Variants in HAPLN1 observed in about 807,000 individuals in gnomAD.
HAPLN1 encodes the protein hyaluronan and proteoglycan link protein 1, also known as Cartilage link protein.
Under a neutral mutation model 36.5 loss-of-function variants are expected in HAPLN1, and 13 were observed. The ratio of observed to expected loss-of-function variants is 0.36; its 90% CI spans 0.23 to 0.57. The LOEUF is 0.57. Ranked by LOEUF, HAPLN1 falls within the 20% of genes least tolerant of loss-of-function variation. The pLI is 0.83. For synonymous variants in HAPLN1, 202 were observed against 169.8 expected, an observed-to-expected ratio of 1.19 and a Z score of -1.48; for missense variants, 407 against 439.7, an observed-to-expected ratio of 0.93 and a Z score of 0.66.
Position 83,639,455 on chromosome 5 carries a change from G to A in HAPLN1, c.*2041C>T, listed in dbSNP as rs1349076938. On this transcript the variant is annotated 3_prime_UTR_variant, in exon 5 of 5. Coordinates refer to ENST00000274341, the MANE Select transcript of HAPLN1 (RefSeq NM_001884.4). ...GAGTTCTGGACATAACTGAAAATTA[G>A]ATGTTTGCTTCAATAGAAATTTGTT... 1 of 152,004 alleles carries A rather than the reference G, an allele frequency of 6.6e-6. No homozygotes were observed. The highest frequency in any genetic ancestry group is 1.5e-5 in the Non-Finnish European group (1 of 67,908). 9.4% of individuals were successfully genotyped at this position (152,004 alleles called of 1,614,324 possible). A position where few individuals can be genotyped will look rare whatever the true frequency, so the allele number is the denominator to read the frequency against.
At chr5:83,656,323 G>T (rs76419241) in intron 2 of HAPLN1, among the ~76,000 whole-genome samples, 26,981 of 92,374 alleles carry the variant, frequency 0.29, 3,095 homozygotes, top group Middle Eastern at 0.43. Context: ...GAAAGACTAC[G>T]TCTCAAAAAA....
chr5:83,646,580 C>A lies in HAPLN1; in HGVS notation c.473-1915G>T, dbSNP rs569014869. Among the ~76,000 whole-genome samples, 11 of 152,312 alleles carry A rather than the reference C, an allele frequency of 7.2e-5. No individual in the cohort carries two copies. The East Asian group carries it at 2.1e-3, about 29-fold the overall frequency. On this transcript the variant is annotated intron_variant, in intron 3 of 4. Coordinates refer to ENST00000274341, the MANE Select transcript of HAPLN1 (RefSeq NM_001884.4). ...GCACCATCCATGAAAGGCAGAGACC[C>A]AAGAAGGCTTCCTGATCTCATTCTG... is the stretch of plus-strand genomic sequence containing the variant.
At chr5:83,662,297 A>G (rs1348967898) in intron 2 of HAPLN1, among the ~76,000 whole-genome samples, 1 of 152,242 alleles carries the variant, frequency 6.6e-6, no homozygotes, top group Non-Finnish European at 1.5e-5. Flanking sequence ...AAGTGATTTT[A>G]AATGTTAATA....
chr5:83,641,644 G>A lies in HAPLN1; in HGVS notation c.917C>T (p.Ala306Val). 1.2e-6 allele frequency: 2 copies of A among 1,614,156 alleles called. No homozygotes were observed. Among genetic ancestry groups the A allele is most frequent in the East Asian group, 2.2e-5 (1 of 44,880 alleles). The stretch of plus-strand genomic sequence containing the variant: ...GACGCTGCCATCCGCCAACCAGCCC[G>A]CATCACAGCGGTCATATCCGAGAAT... ...WKILGYDRCD[A>V]GWLADGSVRY... The change falls in exon 5 of 5, where the codon GCG (alanine) becomes GTG (valine). Residue 306 changes from alanine to valine, a missense_variant. By Grantham distance (64) the Ala-to-Val change is moderately conservative. Coordinates refer to ENST00000274341, the MANE Select transcript of HAPLN1 (RefSeq NM_001884.4).
chr5:83,658,513 C>A (rs1020774052), intron 2 of HAPLN1, among the ~76,000 whole-genome samples: 7 of 152,274 alleles, frequency 4.6e-5, no homozygotes, highest in African/African-American at 1.7e-4. Flanking sequence ...ATTAAAGACA[C>A]CATATTTAAG....
Position 83,641,620 on chromosome 5 carries a change from A to G in HAPLN1, c.941T>C (p.Val314Ala). ...CDAGWLADGS[V>A]RYPISRPRRR... Reference sequence around the variant, plus strand: ...TCTTGGCCTAGAGATGGGGTAGCGGACGCTGCCATCCGCCAACCAGCCCGC... The same window carrying G: ...TCTTGGCCTAGAGATGGGGTAGCGGGCGCTGCCATCCGCCAACCAGCCCGC... Residue 314 changes from valine to alanine, a missense_variant, in exon 5 of 5, where the codon GTC becomes GCC. Transcript: ENST00000274341. 1 of 1,614,180 alleles carries G rather than the reference A, an allele frequency of 6.2e-7. No homozygotes were observed. Among genetic ancestry groups the G allele is most frequent in the African/African-American group, 1.3e-5 (1 of 75,052 alleles).
intron 2 of HAPLN1, among the ~76,000 whole-genome samples, chr5:83,661,809 C>T (rs1032179060): frequency 6.6e-6 from 1 of 152,002 alleles, no homozygotes; most frequent in East Asian, 1.9e-4. Flanking sequence ...TCTTCTTAAA[C>T]GTAGTTATAT....
intron 1 of HAPLN1, among the ~76,000 whole-genome samples, chr5:83,690,786 G>A (rs1371274954): frequency 6.6e-6 from 1 of 151,768 alleles, no homozygotes; most frequent in Non-Finnish European, 1.5e-5. Flanking sequence ...ATATATTCAG[G>A]CATATTATTA....
chr5:83,690,444 C>T (rs1044456904), intron 1 of HAPLN1, among the ~76,000 whole-genome samples: 20 of 151,786 alleles, frequency 1.3e-4, no homozygotes, highest in African/African-American at 3.9e-4. Flanking sequence ...TGTTTGGTCA[C>T]GGGAGAAACA....
intron 2 of HAPLN1, among the ~76,000 whole-genome samples, chr5:83,656,327 CAA>C (rs35902132): frequency 0.016 from 974 of 59,738 alleles, 9 homozygotes; most frequent in African/African-American, 0.059. Flanking sequence ...GACTACGTCT[CAA>C]AAAAAAAAAA....
At chr5:83,664,310 T>A (rs16900703) in intron 2 of HAPLN1, among the ~76,000 whole-genome samples, 17,562 of 151,960 alleles carry the variant, frequency 0.12, 1,333 homozygotes, top group African/African-American at 0.2. Flanking sequence ...CCCAAACTCG[T>A]CCTCAATGGC....
Position 83,679,081 on chromosome 5 carries a change from G to T in HAPLN1, c.-26-5532C>A, listed in dbSNP as rs1490324555. On this transcript the variant is annotated intron_variant, in intron 1 of 4. Coordinates refer to ENST00000274341, the MANE Select transcript of HAPLN1 (RefSeq NM_001884.4). Reference sequence around the variant, plus strand: ...TACCAACATATTTGAGTGATATAAGGACATATATTTCAGTTTAATATTTAT... The same window carrying T: ...TACCAACATATTTGAGTGATATAAGTACATATATTTCAGTTTAATATTTAT... 3.3e-5 allele frequency among the ~76,000 whole-genome samples: 5 copies of T among 152,160 alleles called. No homozygotes were observed. The East Asian group carries it at 9.6e-4, about 29-fold the overall frequency.
intron 4 of HAPLN1, among the ~76,000 whole-genome samples, chr5:83,643,448 T>C (rs1348473489): frequency 6.6e-6 from 1 of 150,812 alleles, no homozygotes; most frequent in African/African-American, 2.4e-5. Context: ...CAAATATAAA[T>C]AATGGAGCCA....
intron 2 of HAPLN1, among the ~76,000 whole-genome samples, chr5:83,667,539 G>T (rs1219042314): frequency 1.3e-5 from 2 of 151,992 alleles, no homozygotes; most frequent in East Asian, 3.8e-4. Context: ...TGTAGATTTT[G>T]CTTTGGTGGC....
At chr5:83,647,298 A>T (rs1055956741) in intron 3 of HAPLN1, among the ~76,000 whole-genome samples, 1 of 152,198 alleles carries the variant, frequency 6.6e-6, no homozygotes, top group Non-Finnish European at 1.5e-5. Flanking sequence ...AGAATTGTCA[A>T]CTAAGTGTTG....
At chr5:83,656,208 G>A (rs900297145) in intron 2 of HAPLN1, among the ~76,000 whole-genome samples, 16 of 151,342 alleles carry the variant, frequency 1.1e-4, no homozygotes, top group African/African-American at 3.4e-4. Context: ...TGTGCCTATA[G>A]TCCCAGCTAC....
chr5:83,655,224 A>G (rs1750179519), intron 2 of HAPLN1, among the ~76,000 whole-genome samples: 1 of 152,194 alleles, frequency 6.6e-6, no homozygotes, highest in Non-Finnish European at 1.5e-5. Context: ...ACAAGGTCTA[A>G]ATGTTTTATA....
Position 83,686,260 on chromosome 5 carries a change from G to T in HAPLN1, c.-26-12711C>A, listed in dbSNP as rs574558060. Reference sequence around the variant, plus strand: ...GAATTGTGCCCGTTGATCCACTCCTGGCATAATTAACCTACCTGTCTTAAA... The same window carrying T: ...GAATTGTGCCCGTTGATCCACTCCTTGCATAATTAACCTACCTGTCTTAAA... On this transcript the variant is annotated intron_variant, in intron 1 of 4. Coordinates refer to ENST00000274341, the MANE Select transcript of HAPLN1 (RefSeq NM_001884.4). Among the ~76,000 whole-genome samples, 3 of 151,664 alleles carry T rather than the reference G, an allele frequency of 2.0e-5. No individual in the cohort carries two copies. The South Asian group carries it at 6.2e-4, about 32-fold the overall frequency.
At chr5:83,644,234 A>G (rs956575528) in intron 4 of HAPLN1, 129 bp downstream of exon 4, 1 of 738,016 alleles carries the variant, frequency 1.4e-6, no homozygotes, top group Non-Finnish European at 1.9e-6. Flanking sequence ...ATCTTTTTAA[A>G]CTACAGCAAA....
Sources: gnomAD v4.1 joint callset for allele counts (sites outside exome capture counted in the v4.1 genomes callset) on GRCh38, gnomAD v4.1.1 for gene constraint, MANE v1.5 for transcripts, NCBI Gene and HGNC (gene_info 2026-07-23, HGNC 2026-07-21) for gene names.